TENM1: variants seen among roughly 807,000 people sequenced by gnomAD.
TENM1 encodes teneurin-1.
TENM1 carries 35 observed loss-of-function variants against 174.8 expected under a neutral mutation model. The observed-to-expected ratio is 0.20, with a 90% CI of 0.15 to 0.27. The LOEUF (loss-of-function observed/expected upper bound fraction) is 0.27, where lower values mean the gene tolerates loss of function less well. TENM1 is among the 10% of genes least tolerant of loss of function. The pLI, the probability that TENM1 is intolerant of heterozygous loss-of-function variation, is 1.00. For synonymous variants in TENM1, 781 were observed against 798.7 expected (o/e 0.98, Z 0.37); for missense variants, 1,633 against 2,130.1 (o/e 0.77, Z 4.59).
chrX:124,790,847 T>C (rs2055162465), intron 3 of TENM1, among the ~76,000 whole-genome samples: 1 of 111,373 alleles, frequency 9.0e-6, no homozygotes, highest in South Asian at 3.7e-4. Flanking sequence ...TATTTATATG[T>C]ATAATATTGA....
chrX:124,560,755 T>C (rs1252605805), intron 14 of TENM1, among the ~76,000 whole-genome samples: 1 of 112,270 alleles, frequency 8.9e-6, no homozygotes, highest in Non-Finnish European at 1.9e-5. Context: ...TCTAAGCAGA[T>C]ATAGAAATGT....
chrX:124,660,251 T>C (rs977533147), intron 6 of TENM1, among the ~76,000 whole-genome samples: 1 of 109,537 alleles, frequency 9.1e-6, no homozygotes, highest in Admixed American at 9.8e-5. Flanking sequence ...GGCGGGTGCC[T>C]GTAGTCCCAG....
At chrX:125,052,094 A>G in the TENM1 span, among the ~76,000 whole-genome samples, 2 of 112,479 alleles carry the variant, frequency 1.8e-5, no homozygotes, top group East Asian at 2.8e-4. Flanking sequence ...ACATGAAAAA[A>G]TGCTCATCAT....
intron 3 of TENM1, among the ~76,000 whole-genome samples, chrX:124,849,216 T>C (rs1464765532): frequency 9.0e-6 from 1 of 111,338 alleles, no homozygotes; most frequent in African/African-American, 3.3e-5. Flanking sequence ...TCTTTGAGTA[T>C]TGTGGCACAA....
At chrX:124,928,327 C>G (rs2058119702) in intron 1 of TENM1, among the ~76,000 whole-genome samples, 2 of 112,051 alleles carry the variant, frequency 1.8e-5, no homozygotes, top group Admixed American at 1.9e-4. Flanking sequence ...TAAAAAACCT[C>G]CATATTTTTC....
At chrX:124,454,336 T>C (rs1314892597) in intron 22 of TENM1, among the ~76,000 whole-genome samples, 2 of 110,945 alleles carry the variant, frequency 1.8e-5, no homozygotes, top group African/African-American at 6.6e-5. Flanking sequence ...CAGAGCTCAG[T>C]TTTAAAACTA....
chrX:124,984,601 T>C, the TENM1 span, among the ~76,000 whole-genome samples: 1 of 111,831 alleles, frequency 8.9e-6, no homozygotes, highest in Non-Finnish European at 1.9e-5. Flanking sequence ...GCCTGATTCT[T>C]TGACCTTCAG....
chrX:124,864,019 C>T (rs963990644), intron 3 of TENM1, among the ~76,000 whole-genome samples: 7 of 112,447 alleles, frequency 6.2e-5, no homozygotes, highest in African/African-American at 9.7e-5. Context: ...GGTACCTCTA[C>T]GAGTCTGCAA....
intron 22 of TENM1, among the ~76,000 whole-genome samples, chrX:124,470,371 T>A (rs1224539742): frequency 9.0e-6 from 1 of 111,145 alleles, no homozygotes; most frequent in Non-Finnish European, 1.9e-5. Flanking sequence ...GTAATCTATA[T>A]GGTATGGTTT....
chrX:124,997,584 G>T, the TENM1 span, among the ~76,000 whole-genome samples: 1 of 111,574 alleles, frequency 9.0e-6, no homozygotes, highest in Admixed American at 9.5e-5. Flanking sequence ...AGAGACAAAA[G>T]ATCTCAGTTT....
At chrX:124,735,847 A>C (rs1408349632) in intron 4 of TENM1, among the ~76,000 whole-genome samples, 1 of 111,904 alleles carries the variant, frequency 8.9e-6, no homozygotes, top group Non-Finnish European at 1.9e-5. Flanking sequence ...ATCAAATACC[A>C]CATGTTCTCA....
At chrX:124,846,067 G>A (rs950218793) in intron 3 of TENM1, among the ~76,000 whole-genome samples, 1 of 110,262 alleles carries the variant, frequency 9.1e-6, no homozygotes, top group African/African-American at 3.3e-5. Flanking sequence ...GGGGTAGTTG[G>A]AAGGAGGTTA....
At chrX:125,118,018 C>T in the TENM1 span, among the ~76,000 whole-genome samples, 1 of 111,571 alleles carries the variant, frequency 9.0e-6, no homozygotes, top group African/African-American at 3.3e-5. Context: ...TATATATATA[C>T]ACCATGGAAT....
At chrX:124,813,640 T>C (rs1471332331) in intron 3 of TENM1, among the ~76,000 whole-genome samples, 1 of 111,531 alleles carries the variant, frequency 9.0e-6, no homozygotes, top group Non-Finnish European at 1.9e-5. Context: ...AGATGTTGAA[T>C]AGTGAATACA....
At chrX:124,956,809 A>C (rs2058580370) in intron 1 of TENM1, among the ~76,000 whole-genome samples, 1 of 112,405 alleles carries the variant, frequency 8.9e-6, no homozygotes, top group Non-Finnish European at 1.9e-5. Flanking sequence ...CATTAATATT[A>C]CACCTGCCAT....
At chrX:125,021,218 A>AT in the TENM1 span, among the ~76,000 whole-genome samples, 4,265 of 96,250 alleles carry the variant, frequency 0.044, 92 homozygotes, top group Non-Finnish European at 0.064. Context: ...ATTAAAGACA[A>AT]TTTTTTTTTT....
chrX:124,968,758 A>G (rs1025917692), upstream of TENM1, among the ~76,000 whole-genome samples: 2 of 111,915 alleles, frequency 1.8e-5, no homozygotes, highest in Non-Finnish European at 3.8e-5. Context: ...AGGTCTCTCA[A>G]AGCATGTGAT....
the TENM1 span, among the ~76,000 whole-genome samples, chrX:125,110,666 CT>C: frequency 9.0e-6 from 1 of 110,895 alleles, no homozygotes; most frequent in Non-Finnish European, 1.9e-5. Context: ...CTTTCTGTAG[CT>C]TAAAATTGTT....
intron 1 of TENM1, among the ~76,000 whole-genome samples, chrX:124,911,823 A>G (rs2057841527): frequency 8.9e-6 from 1 of 111,746 alleles, no homozygotes; most frequent in Non-Finnish European, 1.9e-5. Flanking sequence ...AGGGCTCCAG[A>G]ATCATTAATC....
Sources: gnomAD v4.1 joint callset for allele counts (sites outside exome capture counted in the v4.1 genomes callset) on GRCh38, gnomAD v4.1.1 for gene constraint, MANE v1.5 for transcripts, NCBI Gene and HGNC (gene_info 2026-07-23, HGNC 2026-07-21) for gene names.